Variants in JCAD observed in about 807,000 individuals in gnomAD.
JCAD encodes the protein junctional cadherin 5-associated protein.
A neutral mutation model predicts 98.0 loss-of-function variants in JCAD; 40 were observed. The observed-to-expected ratio is 0.41, with a 90% CI of 0.32 to 0.53. JCAD has a LOEUF of 0.53. JCAD is among the 20% of genes least tolerant of loss of function. JCAD has a pLI of 0.31. For missense variants in JCAD, 1,705 were observed against 1,738.1 expected, an observed-to-expected ratio of 0.98 and a Z score of 0.34; for synonymous variants, 691 against 682.3, an observed-to-expected ratio of 1.01 and a Z score of -0.20.
chr10:30,038,863 C>T (rs534368098), intron 2 of JCAD, among the ~76,000 whole-genome samples: 17 of 152,066 alleles, frequency 1.1e-4, no homozygotes, highest in Non-Finnish European at 1.5e-5. Flanking sequence ...CTTGTGAGGG[C>T]TCCTGGGGCA....
chr10:30,063,333 G>C (rs1837730994), upstream of JCAD, among the ~76,000 whole-genome samples: 1 of 152,092 alleles, frequency 6.6e-6, no homozygotes, highest in Admixed American at 6.6e-5. Flanking sequence ...ACTCAGGAAG[G>C]AACTTGGATT....
intron 1 of JCAD, among the ~76,000 whole-genome samples, chr10:30,082,492 G>A (rs777057690): frequency 6.6e-6 from 1 of 152,110 alleles, no homozygotes; most frequent in African/African-American, 2.4e-5. Context: ...GCCGAGGTGG[G>A]TGGATCACTA....
At chr10:30,040,820 C>T (rs1338908710) in intron 2 of JCAD, among the ~76,000 whole-genome samples, 1 of 152,266 alleles carries the variant, frequency 6.6e-6, no homozygotes, top group East Asian at 1.9e-4. Context: ...TGAGGCAAAG[C>T]GGCTGGACCA....
rs1836484295 is a variant in JCAD, at chr10:30,014,095, G to C, written c.*3788C>G. 1 of 152,122 alleles carries C rather than the reference G, an allele frequency of 6.6e-6. No individual in the cohort carries two copies. Among genetic ancestry groups the C allele is most frequent in the South Asian group, 2.1e-4 (1 of 4,822 alleles). 9.4% of individuals were successfully genotyped at this position (152,122 alleles called of 1,614,324 possible). ...TTCTTAGTGTGGTGGGTCCCAGAGT[G>C]GACCAACCCACACTCCTGGAGAAGG... is the stretch of plus-strand genomic sequence containing the variant. On this transcript the variant is annotated 3_prime_UTR_variant, in exon 4 of 4. Transcript: ENST00000375377.
intron 2 of JCAD, among the ~76,000 whole-genome samples, chr10:30,067,920 G>GTGAC (rs1325705669): frequency 2.0e-5 from 3 of 152,184 alleles, no homozygotes; most frequent in African/African-American, 7.2e-5. Flanking sequence ...CATGCAGCAA[G>GTGAC]TGACTCTACT....
At chr10:30,061,893 C>G (rs752233713), upstream of JCAD, among the ~76,000 whole-genome samples, 1 of 152,122 alleles carries the variant, frequency 6.6e-6, no homozygotes, top group African/African-American at 2.4e-5. Context: ...GGGTGGAGCA[C>G]CTCTATGTGC....
At chr10:30,043,382 ACT>A (rs1420584146) in intron 2 of JCAD, among the ~76,000 whole-genome samples, 2 of 152,114 alleles carry the variant, frequency 1.3e-5, no homozygotes, top group Non-Finnish European at 2.9e-5. Flanking sequence ...TAAATCAGAA[ACT>A]CTGTTCTAAA....
intron 1 of JCAD, among the ~76,000 whole-genome samples, chr10:30,089,180 A>C (rs771470331): frequency 2.0e-5 from 3 of 152,074 alleles, no homozygotes; most frequent in Admixed American, 6.6e-5. Flanking sequence ...TGGTAAATTC[A>C]ATTTCCCACT....
intron 1 of JCAD, among the ~76,000 whole-genome samples, chr10:30,078,604 C>G (rs1448914555): frequency 6.6e-6 from 1 of 152,140 alleles, no homozygotes; most frequent in African/African-American, 2.4e-5. Flanking sequence ...ATAGCAAGAC[C>G]ATGAAATTAT....
chr10:30,067,528 A>C (rs572481751), intron 2 of JCAD, among the ~76,000 whole-genome samples: 2 of 152,226 alleles, frequency 1.3e-5, no homozygotes, highest in East Asian at 1.9e-4. Context: ...GGGCTTCACC[A>C]TTTTGGCCAG....
chr10:30,099,081 A>G (rs1162763763), intron 1 of JCAD, among the ~76,000 whole-genome samples: 1 of 152,146 alleles, frequency 6.6e-6, no homozygotes, highest in Admixed American at 6.5e-5. Context: ...GGATTTTTCT[A>G]TTATTTTTTC....
chr10:30,041,262 G>T (rs549689746), intron 2 of JCAD, among the ~76,000 whole-genome samples: 1 of 152,186 alleles, frequency 6.6e-6, no homozygotes, highest in South Asian at 2.1e-4. Flanking sequence ...TGTCTTCCTG[G>T]TGTTCATGAG....
chr10:30,026,841 T>C lies in JCAD; in HGVS notation c.3307A>G (p.Ile1103Val). Residue 1103 changes from isoleucine (I) to valine (V), a missense_variant, in exon 3 of 4, where the codon ATC (isoleucine) becomes GTC (valine). Transcript: ENST00000375377. The stretch of plus-strand genomic sequence containing the variant: ...GGCTGGTTCTGTCCCGCTCTCCGGA[T>C]GCCCGGCAGGAGGGACTCCACCGCC... ...EVAVESLLPGIRRAGQNQPAE... is the reference protein window; with the variant it reads ...EVAVESLLPGVRRAGQNQPAE... The C allele has an allele frequency of 3.1e-6, 5 of 1,614,016 alleles. No homozygotes were observed. The highest frequency in any genetic ancestry group is 4.2e-6 in the Non-Finnish European group (5 of 1,180,024).
At position 30,028,454 on chromosome 10, in the gene JCAD, G is replaced by C; in HGVS notation, c.1694C>G (p.Thr565Ser). The change falls in exon 3 of 4, where the codon ACT (threonine) becomes AGT (serine). Residue 565 changes from threonine to serine, a missense_variant. Thr to Ser is a moderately conservative substitution (Grantham distance 58). This residue lies in a region of JCAD where 1,278 missense variants were observed against 1,243.1 expected (regional missense o/e 1.03). Transcript: ENST00000375377. ...TTTCTTTGAACTTTTCTTGGTCCGA[G>C]TCCCAGTTTGGAACTTTTTGAGCTT... ...QTKLKKFQTG[T>S]RTKKSSKKKM... 2 of 1,614,196 alleles carry C rather than the reference G, an allele frequency of 1.2e-6. No individual in the cohort carries two copies. The highest frequency in any genetic ancestry group is 1.7e-6 in the Non-Finnish European group (2 of 1,180,042).
At position 30,028,988 on chromosome 10, in the gene JCAD, G is replaced by A. The variant is rs1357838758; in HGVS notation, c.1160C>T (p.Pro387Leu). 9 of 1,613,956 alleles carry A rather than the reference G, an allele frequency of 5.6e-6. No homozygotes were observed. Among genetic ancestry groups the A allele is most frequent in the Non-Finnish European group, 7.6e-6 (9 of 1,180,036 alleles). ...ATTCCCAGTTCCAGGGGGGCCTGAA[G>A]GAGGCTGACCGCTGGCCCCAGCCTT... ...TEKAGASGQP[P>L]SGPPGTGNEY... is the part of the protein sequence containing the mutation. The change falls in exon 3 of 4, where the codon CCT (proline) becomes CTT (leucine). Residue 387 changes from proline to leucine, a missense_variant. Physicochemically the swap from Pro to Leu is moderately conservative, Grantham distance 98. This residue lies in a region of JCAD where 1,278 missense variants were observed against 1,243.1 expected (regional missense o/e 1.03). Coordinates refer to ENST00000375377, the MANE Select transcript of JCAD (RefSeq NM_020848.4).
chr10:30,026,304 G>A lies in JCAD; in HGVS notation c.3844C>T (p.Gln1282Ter). The change falls in exon 3 of 4, where the codon CAG (glutamine) becomes TAG (stop). Residue 1282 changes from glutamine to a stop codon, truncating the protein, a stop_gained. Transcript: ENST00000375377. LOFTEE classifies it high-confidence loss of function. Reference sequence around the variant, plus strand: ...GCCTTCAATTCCTCGGCGTCCTCCTGGGAGTCGGCATTCCTGAAGCTCAGG... The same window carrying A: ...GCCTTCAATTCCTCGGCGTCCTCCTAGGAGTCGGCATTCCTGAAGCTCAGG... ...RVLSFRNADSQEDAEELKATT... is the reference protein window; with the variant it reads ...RVLSFRNADS 1 of 1,614,028 alleles carries A rather than the reference G, an allele frequency of 6.2e-7. No individual in the cohort carries two copies. The highest frequency in any genetic ancestry group is 1.1e-5 in the South Asian group (1 of 91,082).
intron 1 of JCAD, among the ~76,000 whole-genome samples, chr10:30,077,642 T>G (rs1314133042): frequency 6.6e-6 from 1 of 152,158 alleles, no homozygotes; most frequent in African/African-American, 2.4e-5. Flanking sequence ...CAAATATACC[T>G]CTTCTGGATA....
At chr10:30,072,813 A>G (rs748530253) in intron 1 of JCAD, among the ~76,000 whole-genome samples, 11 of 152,064 alleles carry the variant, frequency 7.2e-5, no homozygotes, top group Non-Finnish European at 1.2e-4. Context: ...CACCACGCCT[A>G]GCTAGTTTTT....
upstream of JCAD, among the ~76,000 whole-genome samples, chr10:30,060,018 G>A (rs930322640): frequency 6.6e-6 from 1 of 151,568 alleles, no homozygotes; most frequent in Non-Finnish European, 1.5e-5. Context: ...TCACACGCAG[G>A]TGCACACAAA....
Sources: gnomAD v4.1 joint callset for allele counts (sites outside exome capture counted in the v4.1 genomes callset) on GRCh38, gnomAD v4.1.1 for gene constraint, gnomAD v4.1.1 regional missense constraint, MANE v1.5 for transcripts, NCBI Gene and HGNC (gene_info 2026-07-23, HGNC 2026-07-21) for gene names.